The following CATSPERE variants were observed in gnomAD, a reference collection of about 807,000 sequenced individuals.
The protein encoded by CATSPERE is catsper channel auxiliary subunit epsilon.
Under a neutral mutation model 114.1 loss-of-function variants are expected in CATSPERE, and 93 were observed. That is an observed-to-expected ratio of 0.81 (90% confidence interval 0.69 to 0.97). The LOEUF (loss-of-function observed/expected upper bound fraction) is 0.97, where lower values mean the gene tolerates loss of function less well. CATSPERE is among the 50% of genes least tolerant of loss of function. The pLI is 0.00. For synonymous variants in CATSPERE, 341 were observed against 384.1 expected (o/e 0.89, Z 1.31); for missense variants, 1,058 against 1,131.6 (o/e 0.93, Z 0.93).
intron 17 of CATSPERE, among the ~76,000 whole-genome samples, chr1:244,597,863 C>T (rs1668658972): frequency 1.3e-5 from 2 of 152,166 alleles, no homozygotes; most frequent in South Asian, 4.1e-4. Flanking sequence ...TTTGATACGA[C>T]ACATAAACCA....
chr1:244,609,807 G>A (rs189236758), intron 18 of CATSPERE, among the ~76,000 whole-genome samples: 3 of 152,360 alleles, frequency 2.0e-5, no homozygotes, highest in Admixed American at 2.0e-4. Context: ...TTGGGAGGCT[G>A]AGGCAGGAAG....
chr1:244,464,169 G>A (rs1021605804), intron 2 of CATSPERE, among the ~76,000 whole-genome samples: 8 of 152,046 alleles, frequency 5.3e-5, no homozygotes, highest in African/African-American at 1.2e-4. Flanking sequence ...GAGTGTTTTC[G>A]TGATTCACTG....
intron 20 of CATSPERE, among the ~76,000 whole-genome samples, chr1:244,624,969 C>G (rs1400379776): frequency 1.3e-5 from 2 of 152,138 alleles, no homozygotes; most frequent in Non-Finnish European, 2.9e-5. Flanking sequence ...ATTTCCCCCA[C>G]TGAAGTCTTG....
At position 244,604,881 on chromosome 1, in the gene CATSPERE, C is replaced by T. The variant is rs1379800532; in HGVS notation, c.2304-814C>T. On this transcript the variant is annotated intron_variant, in intron 17 of 21. Transcript: ENST00000366534. ...CTCTTTTGAACACTTACTGAGTTTG[C>T]GGTAAATAAGCCCAATGGGACCTGT... Among the ~76,000 whole-genome samples, 5 of 152,124 alleles carry T rather than the reference C, an allele frequency of 3.3e-5. No homozygotes were observed. The East Asian group carries it at 7.7e-4, about 23-fold the overall frequency.
intron 17 of CATSPERE, among the ~76,000 whole-genome samples, chr1:244,602,140 C>T (rs1009544803): frequency 6.6e-6 from 1 of 152,124 alleles, no homozygotes; most frequent in Non-Finnish European, 1.5e-5. Context: ...ATTTTTGTGG[C>T]AGCACTTGTT....
chr1:244,602,081 G>A (rs775352770), intron 17 of CATSPERE, among the ~76,000 whole-genome samples: 1 of 152,084 alleles, frequency 6.6e-6, no homozygotes, highest in Non-Finnish European at 1.5e-5. Context: ...AGTGGGGGAT[G>A]GGAGAGGGTG....
At chr1:244,500,150 G>A (rs1018733938) in intron 7 of CATSPERE, among the ~76,000 whole-genome samples, 6 of 152,018 alleles carry the variant, frequency 3.9e-5, no homozygotes, top group African/African-American at 1.4e-4. Flanking sequence ...GTCTTCTTTT[G>A]AGAAGTGCCT....
At position 244,573,438 on chromosome 1, in the gene CATSPERE, A is replaced by G. The variant is rs544428894; in HGVS notation, c.1950+666A>G. Among the ~76,000 whole-genome samples, 2 of 152,142 alleles carry G rather than the reference A, an allele frequency of 1.3e-5. No individual in the cohort carries two copies. Among genetic ancestry groups the G allele is most frequent in the South Asian group, 2.1e-4 (1 of 4,816 alleles). ...AAAACAAAACAAAACAAAACAAAAC[A>G]AAACAAAAAAACCAATTCTATCCGT... is the stretch of plus-strand genomic sequence containing the variant. On this transcript the variant is annotated intron_variant, in intron 11 of 21. Transcript: ENST00000366534. The surrounding 1 kb of genome is among the most constrained non-coding windows in gnomAD (Gnocchi z 4.0).
chr1:244,532,059 T>C (rs1175217725), intron 8 of CATSPERE, among the ~76,000 whole-genome samples: 1 of 152,170 alleles, frequency 6.6e-6, no homozygotes, highest in African/African-American at 2.4e-5. Context: ...TCTTGGTAGG[T>C]TGTATGTGTC....
chr1:244,638,613 G>A (rs900223499), intron 21 of CATSPERE, among the ~76,000 whole-genome samples: 10 of 152,148 alleles, frequency 6.6e-5, no homozygotes, highest in Non-Finnish European at 2.9e-5. Context: ...TCTCTTAGGT[G>A]TCTCAAAGAC....
chr1:244,569,313 A>G (rs1198503209), intron 10 of CATSPERE, among the ~76,000 whole-genome samples: 3 of 152,222 alleles, frequency 2.0e-5, no homozygotes, highest in Non-Finnish European at 4.4e-5. Flanking sequence ...TTGGAAATGC[A>G]GAAATCACCC....
intron 7 of CATSPERE, among the ~76,000 whole-genome samples, chr1:244,505,596 A>G (rs1351560203): frequency 1.3e-5 from 2 of 152,184 alleles, no homozygotes; most frequent in Non-Finnish European, 2.9e-5. Flanking sequence ...CCTTAAGAAT[A>G]AGAAACTAGA....
intron 14 of CATSPERE, among the ~76,000 whole-genome samples, chr1:244,590,827 T>G (rs1013284734): frequency 6.6e-6 from 1 of 152,246 alleles, no homozygotes; most frequent in African/African-American, 2.4e-5. Context: ...ATTTTGTTTA[T>G]CCATCCAGCA....
chr1:244,454,008 C>T (rs924450258), upstream of CATSPERE, among the ~76,000 whole-genome samples: 12 of 152,214 alleles, frequency 7.9e-5, no homozygotes, highest in East Asian at 1.2e-3. Flanking sequence ...GGAAGGGATA[C>T]TCCCGGAGTT....
At chr1:244,513,710 A>G (rs3003289) in intron 7 of CATSPERE, among the ~76,000 whole-genome samples, 51,517 of 151,844 alleles carry the variant, frequency 0.34, 10,251 homozygotes, top group African/African-American at 0.56. Flanking sequence ...CAGTGGACAG[A>G]TCAGGACCAT....
intron 20 of CATSPERE, among the ~76,000 whole-genome samples, chr1:244,625,110 T>C (rs1369772543): frequency 3.3e-5 from 5 of 152,096 alleles, no homozygotes; most frequent in Non-Finnish European, 5.9e-5. Context: ...CTTTCCAGGT[T>C]TTCAATTTAT....
At chr1:244,613,914 T>C (rs1381188267) in intron 19 of CATSPERE, among the ~76,000 whole-genome samples, 2 of 152,162 alleles carry the variant, frequency 1.3e-5, no homozygotes, top group African/African-American at 4.8e-5. Flanking sequence ...AGTGGATTAA[T>C]GGGATAATGG....
chr1:244,606,964 C>T (rs1670095281), intron 18 of CATSPERE, among the ~76,000 whole-genome samples: 1 of 152,114 alleles, frequency 6.6e-6, no homozygotes. Context: ...TATGCTTGTT[C>T]AGCACCTAAT....
intron 2 of CATSPERE, among the ~76,000 whole-genome samples, chr1:244,473,161 T>G (rs943333783): frequency 2.6e-5 from 4 of 152,148 alleles, no homozygotes; most frequent in African/African-American, 9.7e-5. Flanking sequence ...TAGGAGTATG[T>G]TTAGTTTTGT....
Sources: allele counts gnomAD v4.1 joint callset (sites outside exome capture counted in the v4.1 genomes callset), GRCh38; gene constraint gnomAD v4.1.1; non-coding constraint Gnocchi (gnomAD v3.1); transcripts MANE v1.5; gene names NCBI Gene and HGNC (gene_info 2026-07-23, HGNC 2026-07-21).